The following CWC15 variants were observed in gnomAD, a reference collection of about 807,000 sequenced individuals.
CWC15 encodes the protein spliceosome-associated protein CWC15 homolog.
In CWC15, 12 loss-of-function variants were observed where a neutral mutation model predicts 28.4. The ratio of observed to expected loss-of-function variants is 0.42; its 90% CI spans 0.27 to 0.69. The LOEUF is 0.69. Ranked by LOEUF, CWC15 falls within the 30% of genes least tolerant of loss-of-function variation. The pLI is 0.23. For missense variants in CWC15, 192 were observed against 271.5 expected (o/e 0.71, Z 2.06); for synonymous variants, 92 against 88.4 (o/e 1.04, Z -0.23).
intron 4 of CWC15, 56 bp from the exon 5 acceptor site, chr11:94,970,152 A>C (rs1450470285): frequency 2.3e-6 from 2 of 852,056 alleles, no homozygotes; most frequent in Non-Finnish European, 3.7e-6. Flanking sequence ...CTACCAAAAC[A>C]CAGTACATAT....
chr11:94,967,485 T>A (rs183252928), intron 5 of CWC15, among the ~76,000 whole-genome samples: 1 of 152,366 alleles, frequency 6.6e-6, no homozygotes. Context: ...CACTTCTAGA[T>A]CTACCTGTTA....
chr11:94,972,864 TC>T (rs1175496730), intron 1 of CWC15, among the ~76,000 whole-genome samples: 2 of 151,680 alleles, frequency 1.3e-5, no homozygotes, highest in African/African-American at 4.8e-5. Context: ...TAAGGCCTGT[TC>T]AAAAAAAACA....
At position 94,966,419 on chromosome 11, in the gene CWC15, A is replaced by G. The variant is rs781806648; in HGVS notation, c.442-6T>C. ...TCAGCTTTTTGTTCTTGTTCCTGTC[A>G]ATGATAAAGGAAGATTAACACTTAC... On this transcript the variant is annotated splice_polypyrimidine_tract_variant and splice_region_variant and intron_variant, in intron 5 of 6. Transcript: ENST00000279839. 1 of 1,532,512 alleles carries G rather than the reference A, an allele frequency of 6.5e-7. No individual in the cohort carries two copies. Among genetic ancestry groups the G allele is most frequent in the Admixed American group, 2.0e-5 (1 of 50,834 alleles). The allele number at this position is 1,532,512 out of a possible 1,614,324, so 94.9% of individuals were successfully genotyped here. A position where few individuals can be genotyped will look rare whatever the true frequency, so the allele number is the denominator to read the frequency against.
chr11:94,966,360 G>A lies in CWC15; in HGVS notation c.495C>T (p.Ser165=), dbSNP rs374135699. The A allele has an allele frequency of 1.7e-5, 26 of 1,558,560 alleles. No homozygotes were observed. The East Asian group carries it at 3.6e-4, about 21-fold the overall frequency. ...CAGTGAGATTAAGGAGAGGGTTTCC[G>A]CTCAGAATGTTTTCCATACGAATCC... ...EERIRMENIL[S]GNPLLNLTGP... The change falls in exon 6 of 7, where the codon AGC becomes AGT. Residue 165 remains serine (S), a synonymous_variant. Coordinates refer to ENST00000279839, the MANE Select transcript of CWC15 (RefSeq NM_016403.4).
At position 94,971,504 on chromosome 11, in the gene CWC15, C is replaced by T. The variant is rs1307139701; in HGVS notation, c.132-17G>A. 5 of 1,520,202 alleles carry T rather than the reference C, an allele frequency of 3.3e-6. No individual in the cohort carries two copies. In the South Asian group the frequency reaches 3.5e-5, roughly 11 times the overall value. The allele number at this position is 1,520,202 out of a possible 1,614,324, so 94.2% of individuals were successfully genotyped here. On this transcript the variant is annotated splice_polypyrimidine_tract_variant and intron_variant, in intron 2 of 6. Transcript: ENST00000279839. The stretch of plus-strand genomic sequence containing the variant: ...GTAGTCTGTCTAAAGTAGAAACAAA[C>T]CAGGGCAAAAATGTTACTTAAACAC...
intron 5 of CWC15, among the ~76,000 whole-genome samples, chr11:94,968,179 TGTGG>T (rs1857671494): frequency 6.6e-6 from 1 of 152,230 alleles, no homozygotes; most frequent in South Asian, 2.1e-4. Flanking sequence ...TTATGTACTC[TGTGG>T]GTGTTTTTAT....
rs900198341 is a variant in CWC15 at position 94,965,148 on chromosome 11, C to G, written c.560+1147G>C. 3.9e-5 allele frequency among the ~76,000 whole-genome samples: 6 copies of G among 152,208 alleles called. No homozygotes were observed. The East Asian group carries it at 1.2e-3, about 29-fold the overall frequency. ...AGCATTCAGCAGTACTGCATCACTC[C>G]AGAGAGGAGGGCAGGTAGCAGTACT... On this transcript the variant is annotated intron_variant, in intron 6 of 6. Transcript: ENST00000279839.
intron 5 of CWC15, among the ~76,000 whole-genome samples, 156 bp downstream of exon 5, chr11:94,969,833 T>A (rs1342536332): frequency 3.9e-5 from 6 of 152,196 alleles, no homozygotes; most frequent in Non-Finnish European, 5.9e-5. Context: ...ACCTAGGATG[T>A]CATAAAAATA....
chr11:94,970,189 A>C (rs1273516316), intron 4 of CWC15, 93 bp from the exon 5 acceptor site: 2 of 510,796 alleles, frequency 3.9e-6, no homozygotes, highest in African/African-American at 4.0e-5. Flanking sequence ...TAAGAAAGTC[A>C]AAACAATTTT....
chr11:94,972,237 A>G, intron 1 of CWC15, 44 bp from the exon 2 acceptor site: 1 of 1,567,958 alleles, frequency 6.4e-7, no homozygotes, highest in Non-Finnish European at 8.7e-7. Context: ...CATTACAAAC[A>G]CTCATTTTAT....
intron 5 of CWC15, among the ~76,000 whole-genome samples, chr11:94,966,889 A>G (rs1857654070): frequency 6.6e-6 from 1 of 152,204 alleles, no homozygotes; most frequent in Non-Finnish European, 1.5e-5. Context: ...ATTACTAATA[A>G]TGTAAACTTG....
chr11:94,967,490 C>T (rs1857662218), intron 5 of CWC15, among the ~76,000 whole-genome samples: 2 of 152,166 alleles, frequency 1.3e-5, no homozygotes, highest in African/African-American at 2.4e-5. Context: ...CTAGATCTAC[C>T]TGTTAACATG....
intron 6 of CWC15, 21 bp downstream of exon 6, chr11:94,966,268 CTCCATT>C: frequency 9.5e-6 from 11 of 1,156,306 alleles, no homozygotes; most frequent in Admixed American, 2.0e-5. Flanking sequence ...CACACACACA[CTCCATT>C]ACTCCGTTAC....
intron 1 of CWC15, among the ~76,000 whole-genome samples, chr11:94,973,081 A>T (rs1857750768): frequency 6.6e-6 from 1 of 150,400 alleles, no homozygotes; most frequent in Admixed American, 6.6e-5. Flanking sequence ...CTCAACTTTC[A>T]AAAAGGGTAG....
intron 1 of CWC15, among the ~76,000 whole-genome samples, chr11:94,972,589 A>T (rs1857738193): frequency 6.6e-6 from 1 of 152,198 alleles, no homozygotes. Context: ...AGTTTTAAAA[A>T]TTTCCAACTC....
Position 94,963,531 on chromosome 11 carries a change from A to G in CWC15, c.561-17T>C. 1 of 1,550,238 alleles carries G rather than the reference A, an allele frequency of 6.5e-7. No homozygotes were observed. Among genetic ancestry groups the G allele is most frequent in the Non-Finnish European group, 8.7e-7 (1 of 1,147,718 alleles). On this transcript the variant is annotated splice_polypyrimidine_tract_variant and intron_variant, in intron 6 of 6. Coordinates refer to ENST00000279839, the MANE Select transcript of CWC15 (RefSeq NM_016403.4). The stretch of plus-strand genomic sequence containing the variant: ...TCATCCCACCTGAGGAAAAAAAAGC[A>G]AACAGAACGTCTGAAAATGTTTGTA...
intron 1 of CWC15, 41 bp from the exon 2 acceptor site, chr11:94,972,234 AACACTCATTTT>A (rs782679833): frequency 6.3e-7 from 1 of 1,576,648 alleles, no homozygotes; most frequent in African/African-American, 1.4e-5. Context: ...CAACATTACA[AACACTCATTTT>A]ATAGAGTATT....
intron 4 of CWC15, 40 bp downstream of exon 4, chr11:94,970,937 A>T: frequency 6.9e-7 from 1 of 1,451,968 alleles, no homozygotes; most frequent in Non-Finnish European, 9.7e-7. Flanking sequence ...ATAGCATGGT[A>T]AATCAATTAT....
At chr11:94,965,438 C>A (rs587775654) in intron 6 of CWC15, among the ~76,000 whole-genome samples, 10 of 152,262 alleles carry the variant, frequency 6.6e-5, no homozygotes, top group Non-Finnish European at 1.3e-4. Context: ...TTTTTTACCC[C>A]TCCAAACACA....
Sources: allele counts gnomAD v4.1 joint callset (sites outside exome capture counted in the v4.1 genomes callset), GRCh38; gene constraint gnomAD v4.1.1; transcripts MANE v1.5; gene names NCBI Gene and HGNC (gene_info 2026-07-23, HGNC 2026-07-21).